PPP1R37: variants seen among roughly 807,000 people sequenced by gnomAD.
The protein encoded by PPP1R37 is leucine rich repeat containing 68.
PPP1R37 carries 21 observed loss-of-function variants against 61.0 expected under a neutral mutation model. The observed-to-expected ratio is 0.34, with a 90% CI of 0.24 to 0.50. The LOEUF (loss-of-function observed/expected upper bound fraction) is 0.50, where lower values mean the gene tolerates loss of function less well. PPP1R37 is among the 20% of genes least tolerant of loss of function. The pLI is 0.98. For missense variants in PPP1R37, 910 were observed against 952.7 expected (o/e 0.96, Z 0.59); for synonymous variants, 443 against 433.5 (o/e 1.02, Z -0.27).
intron 1 of PPP1R37, among the ~76,000 whole-genome samples, chr19:45,124,199 G>A (rs1253094192): frequency 6.6e-6 from 1 of 152,200 alleles, no homozygotes. Flanking sequence ...ACCTACCGTG[G>A]GGATCAGGGA....
chr19:45,101,033 G>A (rs1281488833), intron 1 of PPP1R37, among the ~76,000 whole-genome samples: 5 of 152,232 alleles, frequency 3.3e-5, no homozygotes, highest in Non-Finnish European at 7.3e-5. Context: ...CACGTGTTAC[G>A]AGTCAGGGCA....
At chr19:45,100,997 A>G (rs1425257045) in intron 1 of PPP1R37, among the ~76,000 whole-genome samples, 1 of 152,266 alleles carries the variant, frequency 6.6e-6, no homozygotes, top group Non-Finnish European at 1.5e-5. Context: ...GTAACCAGTC[A>G]TGCATTCAGC....
At position 45,145,706 on chromosome 19, in the gene PPP1R37, C is replaced by A. The variant is rs927649288; in HGVS notation, c.1650C>A (p.Ser550=). 53 of 1,534,374 alleles carry A rather than the reference C, an allele frequency of 3.5e-5. No individual in the cohort carries two copies. Among genetic ancestry groups the A allele is most frequent in the Non-Finnish European group, 4.4e-5 (51 of 1,146,202 alleles). Residue 550 remains serine, a synonymous_variant, in exon 11 of 13, where the codon TCC becomes TCA. Transcript: ENST00000221462. ...ACAGGAGTCCCCCAGGCAGCCCCTC[C>A]ACACCCACCGAGCAGCGGATTTCCG... ...PGDRSPPGSP[S]TPTEQRISVS... is the part of the protein sequence containing the mutation.
At chr19:45,101,270 A>G (rs75937691) in intron 1 of PPP1R37, among the ~76,000 whole-genome samples, 21,704 of 152,240 alleles carry the variant, frequency 0.14, 1,732 homozygotes, top group Non-Finnish European at 0.17. Flanking sequence ...GGTGGAAGGC[A>G]GAGAGAACCA....
chr19:45,145,689 C>G lies in PPP1R37; in HGVS notation c.1633C>G (p.Pro545Ala), dbSNP rs771114889. The part of the protein sequence containing the change: ...TDSLGPGDRS[P>A]PGSPSTPTEQ... The stretch of plus-strand genomic sequence containing the variant: ...CTCCCTGGGCCCTGGGGACAGGAGT[C>G]CCCCAGGCAGCCCCTCCACACCCAC... Residue 545 changes from proline to alanine, a missense_variant, in exon 11 of 13, where the codon CCC becomes GCC. Physicochemically the swap from Pro to Ala is conservative, Grantham distance 27. This residue lies in a region of PPP1R37 where 549 missense variants were observed against 505.1 expected (regional missense o/e 1.09). Coordinates refer to ENST00000221462, the MANE Select transcript of PPP1R37 (RefSeq NM_019121.2). The G allele has an allele frequency of 2.0e-6, 3 of 1,534,486 alleles. No homozygotes were observed. The highest frequency in any genetic ancestry group is 2.4e-5 in the South Asian group (2 of 83,920).
rs927426410 is a variant in PPP1R37 at position 45,106,807 on chromosome 19, C to CTT, written c.202+13306_202+13307dup. Among the ~76,000 whole-genome samples, 334 of 78,156 alleles carry CTT rather than the reference C, an allele frequency of 4.3e-3. 99 individuals are homozygous for CTT. Among genetic ancestry groups the CTT allele is most frequent in the African/African-American group, 0.014 (219 of 15,996 alleles). 51.3% of individuals were successfully genotyped at this position (78,156 alleles called of 152,430 possible). On this transcript the variant is annotated intron_variant, in intron 1 of 12. Transcript: ENST00000221462. ...CCTTATGGCTAATGATGTTGAGCAT[C>CTT]TTTTTTTTTTTTTTTTTTTTTTTTT... is the stretch of plus-strand genomic sequence containing the variant.
chr19:45,145,868 A>G lies in PPP1R37; in HGVS notation c.1812A>G (p.Leu604=), dbSNP rs904637190. ...CCTCCCCACCCGCCTCACCTTCCCT[A>G]CCACCAGCCGGGGCCATTGACACCC... is the stretch of plus-strand genomic sequence containing the variant. ...PPPSPPASPS[L]PPAGAIDTRD... Residue 604 remains leucine, a synonymous_variant, in exon 11 of 13, where the codon CTA becomes CTG. Transcript: ENST00000221462. 1.5e-6 allele frequency: 2 copies of G among 1,298,218 alleles called. No individual in the cohort carries two copies. The highest frequency in any genetic ancestry group is 2.0e-6 in the Non-Finnish European group (2 of 1,015,870). 80.4% of individuals were successfully genotyped at this position (1,298,218 alleles called of 1,614,324 possible). A position where few individuals can be genotyped will look rare whatever the true frequency, so the allele number is the denominator to read the frequency against.
intron 1 of PPP1R37, among the ~76,000 whole-genome samples, chr19:45,129,214 C>T (rs550631440): frequency 1.6e-4 from 24 of 152,300 alleles, no homozygotes; most frequent in African/African-American, 5.8e-4. Context: ...TGGCCAGGAA[C>T]AAGCAAAGCC....
At chr19:45,126,865 T>C (rs1968411660) in intron 1 of PPP1R37, among the ~76,000 whole-genome samples, 1 of 152,226 alleles carries the variant, frequency 6.6e-6, no homozygotes, top group Non-Finnish European at 1.5e-5. Context: ...AATGGGAGCC[T>C]TCTGAGTCAG....
intron 1 of PPP1R37, among the ~76,000 whole-genome samples, chr19:45,123,511 G>A (rs1307190118): frequency 6.6e-6 from 1 of 152,192 alleles, no homozygotes; most frequent in Non-Finnish European, 1.5e-5. Flanking sequence ...TGAAGCCGGG[G>A]CCTGAGGGCT....
chr19:45,099,289 A>G (rs1299499940), intron 1 of PPP1R37, among the ~76,000 whole-genome samples: 3 of 152,172 alleles, frequency 2.0e-5, no homozygotes, highest in Non-Finnish European at 4.4e-5. Context: ...GTCTCTGCCA[A>G]GCTGTGTGAC....
At position 45,121,295 on chromosome 19, in the gene PPP1R37, C is replaced by T. The variant is rs1968339920; in HGVS notation, c.203-17219C>T. Among the ~76,000 whole-genome samples the T allele has an allele frequency of 6.6e-6, 1 of 152,252 alleles. No individual in the cohort carries two copies. Among genetic ancestry groups the T allele is most frequent in the East Asian group, 1.9e-4 (1 of 5,202 alleles). ...AAGCACAGACCTGCATTTACACTCA[C>T]ACTCTGGGATGAGGGACTTTCCTCC... On this transcript the variant is annotated intron_variant, in intron 1 of 12. Coordinates refer to ENST00000221462, the MANE Select transcript of PPP1R37 (RefSeq NM_019121.2). This position sits in a 1 kb window ranked among gnomAD's most constrained non-coding sequence, Gnocchi z 4.2.
intron 1 of PPP1R37, among the ~76,000 whole-genome samples, chr19:45,116,946 T>G (rs1396894280): frequency 6.9e-6 from 1 of 145,816 alleles, no homozygotes; most frequent in East Asian, 2.0e-4. Flanking sequence ...AGAGTTTCGC[T>G]CTTTTTGCCC....
At chr19:45,132,736 T>C (rs1403717165) in intron 1 of PPP1R37, among the ~76,000 whole-genome samples, 1 of 151,976 alleles carries the variant, frequency 6.6e-6, no homozygotes, top group Non-Finnish European at 1.5e-5. Flanking sequence ...GCCCAACTGA[T>C]TTTTTAGTTT....
At chr19:45,142,232 G>T in intron 6 of PPP1R37, 21 bp downstream of exon 6, 1 of 1,533,098 alleles carries the variant, frequency 6.5e-7, no homozygotes. Flanking sequence ...AGCCCGGGAG[G>T]GTGAGCAGGA....
chr19:45,144,819 G>A (rs1968663005), intron 8 of PPP1R37, 35 bp from the exon 9 acceptor site: 7 of 1,492,520 alleles, frequency 4.7e-6, no homozygotes, highest in South Asian at 1.2e-5. Flanking sequence ...CCGCCATCAC[G>A]GCCTCCTCCT....
Position 45,107,165 on chromosome 19 carries a change from T to C in PPP1R37, c.202+13638T>C, listed in dbSNP as rs147292457. 2.3e-3 allele frequency among the ~76,000 whole-genome samples: 351 copies of C among 152,130 alleles called. 3 individuals are homozygous for C. Among genetic ancestry groups the C allele is most frequent in the Non-Finnish European group, 4.2e-3 (283 of 67,986 alleles). ...TTGCTGAACACTTGTGTATCTTCTT[T>C]GGAGAAATGTCTTTTTAGTTCTTTT... On this transcript the variant is annotated intron_variant, in intron 1 of 12. Coordinates refer to ENST00000221462, the MANE Select transcript of PPP1R37 (RefSeq NM_019121.2).
intron 1 of PPP1R37, among the ~76,000 whole-genome samples, chr19:45,095,672 A>G (rs1967983281): frequency 1.3e-5 from 2 of 149,554 alleles, no homozygotes; most frequent in South Asian, 4.3e-4. Context: ...CTGAAGTGGG[A>G]GGATCATTTG....
At chr19:45,096,541 T>TTTTG (rs960185446) in intron 1 of PPP1R37, among the ~76,000 whole-genome samples, 53 of 152,164 alleles carry the variant, frequency 3.5e-4, no homozygotes, top group African/African-American at 1.2e-3. Context: ...CAGATTTGTT[T>TTTTG]TTTGTTTGTT....
Sources: allele counts gnomAD v4.1 joint callset (sites outside exome capture counted in the v4.1 genomes callset), GRCh38; gene constraint gnomAD v4.1.1; regional missense constraint gnomAD v4.1.1; non-coding constraint Gnocchi (gnomAD v3.1); transcripts MANE v1.5; gene names NCBI Gene and HGNC (gene_info 2026-07-23, HGNC 2026-07-21).